The following LPCAT2 variants were observed in gnomAD, a reference collection of about 807,000 sequenced individuals.
The protein encoded by LPCAT2 is 1-AGP acyltransferase 11.
A neutral mutation model predicts 64.7 loss-of-function variants in LPCAT2; 58 were observed. The ratio of observed to expected loss-of-function variants is 0.90; its 90% CI spans 0.73 to 1.12. The LOEUF (loss-of-function observed/expected upper bound fraction) is 1.12, where lower values mean the gene tolerates loss of function less well. Among genes scored for constraint, LPCAT2 ranks in the 50% most tolerant of loss-of-function variants. The pLI is 0.00. For synonymous variants in LPCAT2, 252 were observed against 245.3 expected (o/e 1.03, Z -0.26); for missense variants, 579 against 669.8 (o/e 0.86, Z 1.50).
chr16:55,575,346 G>A (rs183154), intron 12 of LPCAT2, among the ~76,000 whole-genome samples: 144,735 of 152,224 alleles, frequency 0.95, 69,037 homozygotes, highest in East Asian at 0.99. Flanking sequence ...AAGACCATTT[G>A]CTTACAAGTG....
intron 11 of LPCAT2, chr16:55,566,633 G>T (rs903978134): frequency 2.1e-6 from 2 of 972,350 alleles, no homozygotes; most frequent in Non-Finnish European, 3.0e-6. Context: ...ATCATGGGGC[G>T]TGGTGCAGTG....
In LPCAT2 at chr16:55,545,750, G is replaced by A. The variant is rs149649435; in HGVS notation, c.868G>A (p.Val290Ile). 2 of 1,612,538 alleles carry A rather than the reference G, an allele frequency of 1.2e-6. No individual in the cohort carries two copies. Among genetic ancestry groups the A allele is most frequent in the Non-Finnish European group, 8.5e-7 (1 of 1,179,282 alleles). ...TGTCTTTCAGTTTATGCCAGTTCAA[G>A]TACCAAATGATGAAGAAAAAAATGA... ...KVEVEFMPVQ[V>I]PNDEEKNDPV... The change falls in exon 9 of 14, where the codon GTA becomes ATA. Residue 290 changes from valine to isoleucine, a missense_variant. Transcript: ENST00000262134.
At chr16:55,527,846 T>A (rs1200805244) in intron 2 of LPCAT2, among the ~76,000 whole-genome samples, 2 of 152,298 alleles carry the variant, frequency 1.3e-5, no homozygotes, top group African/African-American at 4.8e-5. Context: ...ACAAGACTTT[T>A]AAAAAAATTC....
At chr16:55,563,238 C>T (rs928886273) in intron 11 of LPCAT2, among the ~76,000 whole-genome samples, 8 of 151,818 alleles carry the variant, frequency 5.3e-5, no homozygotes, top group Non-Finnish European at 1.2e-4. Context: ...TAACCAAAAA[C>T]CTCCCAACAA....
intron 8 of LPCAT2, chr16:55,540,505 C>T (rs1963382720): frequency 1.3e-5 from 2 of 152,134 alleles, no homozygotes; most frequent in Admixed American, 1.3e-4. Flanking sequence ...GTTAGTTTAT[C>T]TCATGAGAGA....
chr16:55,533,423 T>C (rs1963281229), intron 6 of LPCAT2, among the ~76,000 whole-genome samples: 1 of 145,344 alleles, frequency 6.9e-6, no homozygotes, highest in Admixed American at 6.9e-5. Flanking sequence ...TTTTTTTTTT[T>C]TTTTTGAGAC....
chr16:55,579,624 A>G (rs1420001763), intron 13 of LPCAT2, among the ~76,000 whole-genome samples: 2 of 152,174 alleles, frequency 1.3e-5, no homozygotes, highest in Admixed American at 1.3e-4. Flanking sequence ...TGGAGCCTGC[A>G]CTATTGACTC....
At chr16:55,556,708 A>C (rs1963580621) in intron 11 of LPCAT2, among the ~76,000 whole-genome samples, 2 of 152,178 alleles carry the variant, frequency 1.3e-5, no homozygotes, top group African/African-American at 2.4e-5. Flanking sequence ...CGATTGCGCC[A>C]CTGCACTCCA....
intron 13 of LPCAT2, among the ~76,000 whole-genome samples, chr16:55,579,889 C>G (rs1963870130): frequency 6.6e-6 from 1 of 152,214 alleles, no homozygotes; most frequent in Admixed American, 6.6e-5. Flanking sequence ...GTCTATCCAT[C>G]AGTAACTGTC....
At chr16:55,535,620 A>G (rs1201050385) in intron 7 of LPCAT2, among the ~76,000 whole-genome samples, 3 of 152,212 alleles carry the variant, frequency 2.0e-5, no homozygotes, top group East Asian at 3.9e-4. Context: ...GTTTCATGCC[A>G]TTACTTATTT....
At chr16:55,578,165 G>A (rs1320604083) in intron 12 of LPCAT2, among the ~76,000 whole-genome samples, 1 of 152,128 alleles carries the variant, frequency 6.6e-6, no homozygotes, top group Non-Finnish European at 1.5e-5. Context: ...TACCTCAGCT[G>A]TTGCTGTTCC....
At chr16:55,516,460 A>G (rs1317897281) in intron 1 of LPCAT2, among the ~76,000 whole-genome samples, 1 of 152,216 alleles carries the variant, frequency 6.6e-6, no homozygotes, top group Non-Finnish European at 1.5e-5. Flanking sequence ...AAAGATGGAA[A>G]ATGATATACC....
chr16:55,578,525 T>G (rs1307295768), intron 12 of LPCAT2, among the ~76,000 whole-genome samples: 3 of 152,164 alleles, frequency 2.0e-5, no homozygotes, highest in Non-Finnish European at 4.4e-5. Flanking sequence ...CTTCCTATCC[T>G]TCCTGCTTCT....
chr16:55,518,274 G>A (rs1231278424), intron 1 of LPCAT2, among the ~76,000 whole-genome samples: 1 of 152,086 alleles, frequency 6.6e-6, no homozygotes, highest in Non-Finnish European at 1.5e-5. Flanking sequence ...AATTAGAGAC[G>A]ACTTAAATAA....
At chr16:55,531,230 T>C (rs1187970250) in intron 4 of LPCAT2, among the ~76,000 whole-genome samples, 1 of 152,176 alleles carries the variant, frequency 6.6e-6, no homozygotes, top group Admixed American at 6.6e-5. Context: ...TGCAGGATGT[T>C]ACTTTATTTT....
Position 55,585,188 on chromosome 16 carries a change from A to G in LPCAT2, c.*2090A>G, listed in dbSNP as rs1376921326. ...TACATAAAATTCTTAGCAATTAAAA[A>G]AATTCTGATTCTGCCATTTTGTCTC... On this transcript the variant is annotated 3_prime_UTR_variant, in exon 14 of 14. Transcript: ENST00000262134. 6.6e-6 allele frequency: 1 copy of G among 152,206 alleles called. No individual in the cohort carries two copies. Among genetic ancestry groups the G allele is most frequent in the East Asian group, 1.9e-4 (1 of 5,208 alleles). 9.4% of individuals were successfully genotyped at this position (152,206 alleles called of 1,614,324 possible). A position where few individuals can be genotyped will look rare whatever the true frequency, so the allele number is the denominator to read the frequency against.
chr16:55,509,302 C>A lies in LPCAT2; in HGVS notation c.121C>A (p.Pro41Thr). The change falls in exon 1 of 14, where the codon CCG becomes ACG. Residue 41 changes from proline to threonine, a missense_variant. Physicochemically the swap from Pro to Thr is conservative, Grantham distance 38. Coordinates refer to ENST00000262134, the MANE Select transcript of LPCAT2 (RefSeq NM_017839.5). ...RQASFFPPPV[P>T]NPFVQQTQIG... Reference sequence around the variant, plus strand: ...GGCGTCCTTCTTCCCGCCGCCGGTGCCGAACCCCTTCGTGCAGCAGACGCA... The same window carrying A: ...GGCGTCCTTCTTCCCGCCGCCGGTGACGAACCCCTTCGTGCAGCAGACGCA... 6.6e-7 allele frequency: 1 copy of A among 1,512,526 alleles called. No individual in the cohort carries two copies. The highest frequency in any genetic ancestry group is 8.9e-7 in the Non-Finnish European group (1 of 1,122,764). 93.7% of individuals were successfully genotyped at this position (1,512,526 alleles called of 1,614,324 possible).
At position 55,529,791 on chromosome 16, in the gene LPCAT2, T is replaced by C. The variant is rs750407796; in HGVS notation, c.530-44T>C. On this transcript the variant is annotated intron_variant, in intron 3 of 13. Transcript: ENST00000262134. ...TCCAGTATTATTGCTGTGGTTGCTT[T>C]AGCCAAAAAATGGCTTGCCTGTAAC... 7 of 1,222,726 alleles carry C rather than the reference T, an allele frequency of 5.7e-6. 1 individual carries two copies. The South Asian group carries it at 8.6e-5, about 15-fold the overall frequency. 75.7% of individuals were successfully genotyped at this position (1,222,726 alleles called of 1,614,324 possible).
intron 13 of LPCAT2, among the ~76,000 whole-genome samples, chr16:55,582,028 G>C (rs182849342): frequency 6.6e-6 from 1 of 152,288 alleles, no homozygotes; most frequent in Admixed American, 6.5e-5. Flanking sequence ...CTGTACCAGA[G>C]TTAAGGGCTC....
Sources: allele counts gnomAD v4.1 joint callset (sites outside exome capture counted in the v4.1 genomes callset), GRCh38; gene constraint gnomAD v4.1.1; transcripts MANE v1.5; gene names NCBI Gene and HGNC (gene_info 2026-07-23, HGNC 2026-07-21).